The following PPP2R3A variants were observed in gnomAD, a reference collection of about 807,000 sequenced individuals.
PPP2R3A encodes serine/threonine-protein phosphatase 2A regulatory subunit B'' subunit alpha.
A neutral mutation model predicts 106.9 loss-of-function variants in PPP2R3A; 80 were observed. That is an observed-to-expected ratio of 0.75 (90% CI 0.62 to 0.90). The LOEUF (loss-of-function observed/expected upper bound fraction) is 0.90, where lower values mean the gene tolerates loss of function less well. Ranked by LOEUF, PPP2R3A falls within the 40% of genes least tolerant of loss-of-function variation. The pLI is 0.00. For synonymous variants in PPP2R3A, 483 were observed against 468.3 expected (o/e 1.03, Z -0.41); for missense variants, 1,386 against 1,350.4 (o/e 1.03, Z -0.41).
rs779732081 is a variant in PPP2R3A, at chr3:136,023,121, C to T, written c.1996-3711C>T. On this transcript the variant is annotated intron_variant, in intron 2 of 13. Transcript: ENST00000264977. Reference sequence around the variant, plus strand: ...AAGGGACCCGGATTTAAGGGGAGAGCTAGCTTTCCTGGCAAGGGGCTGTGA... The same window carrying T: ...AAGGGACCCGGATTTAAGGGGAGAGTTAGCTTTCCTGGCAAGGGGCTGTGA... 22 of 1,613,342 alleles carry T rather than the reference C, an allele frequency of 1.4e-5. No individual in the cohort carries two copies. In the South Asian group the frequency reaches 2.3e-4, roughly 17 times the overall value.
In PPP2R3A at chr3:136,114,828, T is replaced by TG. The variant is rs1937679059; in HGVS notation, c.3329+8511dup. 5.9e-5 allele frequency among the ~76,000 whole-genome samples: 9 copies of TG among 152,224 alleles called. No homozygotes were observed. In the South Asian group the frequency reaches 1.9e-3, roughly 32 times the overall value. ...TCCCATTTCCCTGGGATAGAGCATG[T>TG]GGGGGAAGGGGCAACTGTGGGCGCA... On this transcript the variant is annotated intron_variant, in intron 13 of 13. Coordinates refer to ENST00000264977, the MANE Select transcript of PPP2R3A (RefSeq NM_002718.5).
intron 13 of PPP2R3A, among the ~76,000 whole-genome samples, chr3:136,113,412 G>A (rs903479012): frequency 7.9e-5 from 12 of 152,148 alleles, no homozygotes; most frequent in African/African-American, 2.7e-4. Flanking sequence ...TCAATAAATG[G>A]TGCTGGCTAA....
chr3:136,061,931 A>G lies in PPP2R3A; in HGVS notation c.2470-8547A>G, dbSNP rs534045733. On this transcript the variant is annotated intron_variant, in intron 5 of 13. Coordinates refer to ENST00000264977, the MANE Select transcript of PPP2R3A (RefSeq NM_002718.5). ...GACAGAGCAAGACTCTATCTCAAAA[A>G]AAAAAAAAAAAAAAACACTGAGTCC... is the stretch of plus-strand genomic sequence containing the variant. 7.2e-4 allele frequency among the ~76,000 whole-genome samples: 109 copies of G among 151,554 alleles called. 1 individual carries two copies. The East Asian group carries it at 0.021, about 29-fold the overall frequency.
At chr3:135,997,813 T>A (rs1324494685) in intron 1 of PPP2R3A, among the ~76,000 whole-genome samples, 2 of 152,208 alleles carry the variant, frequency 1.3e-5, no homozygotes, top group East Asian at 1.9e-4. Context: ...CTCCTCTTTG[T>A]TATTACTGTC....
chr3:136,022,969 G>GA lies in PPP2R3A; in HGVS notation c.1996-3857dup. The GA allele has an allele frequency of 1.9e-6, 3 of 1,558,096 alleles. 1 individual carries two copies. On this transcript the variant is annotated intron_variant, in intron 2 of 13. Transcript: ENST00000264977. ...ATTTCATTTCTTTGGGAGATAAGAA[G>GA]AAAAAATACCTTCCTACCTGACAAG... is the stretch of plus-strand genomic sequence containing the variant.
chr3:136,130,384 A>T (rs1938364509), intron 13 of PPP2R3A, among the ~76,000 whole-genome samples: 1 of 151,998 alleles, frequency 6.6e-6, no homozygotes, highest in African/African-American at 2.4e-5. Flanking sequence ...CAAACAGCCA[A>T]ATAATGAGTG....
intron 2 of PPP2R3A, among the ~76,000 whole-genome samples, chr3:136,023,977 C>T (rs1369552610): frequency 6.6e-6 from 1 of 151,998 alleles, no homozygotes; most frequent in Non-Finnish European, 1.5e-5. Context: ...TTATTCTGAC[C>T]CAGAATAATC....
At chr3:136,061,881 C>G (rs1239091772) in intron 5 of PPP2R3A, among the ~76,000 whole-genome samples, 1 of 136,522 alleles carries the variant, frequency 7.3e-6, no homozygotes, top group Non-Finnish European at 1.5e-5. Context: ...GAGCCGAGAT[C>G]ACGCCACTGC....
intron 10 of PPP2R3A, among the ~76,000 whole-genome samples, chr3:136,092,738 T>G (rs1490207532): frequency 1.3e-5 from 2 of 152,198 alleles, no homozygotes; most frequent in Non-Finnish European, 2.9e-5. Flanking sequence ...CTAATTGATT[T>G]GCAACAAGGA....
At chr3:135,990,762 A>C (rs977043914) in intron 1 of PPP2R3A, among the ~76,000 whole-genome samples, 4 of 151,862 alleles carry the variant, frequency 2.6e-5, no homozygotes, top group Middle Eastern at 3.4e-3. Flanking sequence ...TCTCTTCTAG[A>C]CTCTTCTGAG....
chr3:135,998,280 G>A (rs909612713), intron 1 of PPP2R3A, among the ~76,000 whole-genome samples: 11 of 152,204 alleles, frequency 7.2e-5, no homozygotes, highest in Admixed American at 5.2e-4. Context: ...TACCTACATC[G>A]CTATATTTCA....
chr3:136,011,945 A>G (rs980900949), intron 2 of PPP2R3A, among the ~76,000 whole-genome samples: 1 of 151,340 alleles, frequency 6.6e-6, no homozygotes, highest in Non-Finnish European at 1.5e-5. Flanking sequence ...CTGTGAGTTC[A>G]ACTCCCACCC....
chr3:136,044,092 T>C (rs1935387992), intron 4 of PPP2R3A, among the ~76,000 whole-genome samples: 1 of 152,218 alleles, frequency 6.6e-6, no homozygotes, highest in Non-Finnish European at 1.5e-5. Flanking sequence ...TTTTCTATTG[T>C]GATCATCCCA....
chr3:136,030,923 A>G (rs1375999346), intron 3 of PPP2R3A, among the ~76,000 whole-genome samples: 2 of 152,012 alleles, frequency 1.3e-5, no homozygotes, highest in Non-Finnish European at 2.9e-5. Context: ...TTGTGCTGCT[A>G]TAAACATGCA....
chr3:136,058,369 C>G (rs1003101615), intron 5 of PPP2R3A, among the ~76,000 whole-genome samples: 1 of 151,964 alleles, frequency 6.6e-6, no homozygotes, highest in Non-Finnish European at 1.5e-5. Context: ...TTCTTGTATG[C>G]CAAAAACAAG....
intron 13 of PPP2R3A, among the ~76,000 whole-genome samples, chr3:136,136,046 A>C (rs1576338270): frequency 2.3e-4 from 2 of 8,612 alleles, no homozygotes; most frequent in Admixed American, 2.3e-3. Flanking sequence ...ACTCCGTCTC[A>C]AAAAAAAAAA....
At chr3:136,137,866 C>T (rs922480543) in intron 13 of PPP2R3A, among the ~76,000 whole-genome samples, 5 of 152,098 alleles carry the variant, frequency 3.3e-5, no homozygotes, top group Non-Finnish European at 7.4e-5. Flanking sequence ...CATTTACATC[C>T]ATCAGCACTG....
chr3:136,107,487 T>C (rs1185230306), intron 13 of PPP2R3A, among the ~76,000 whole-genome samples: 1 of 141,906 alleles, frequency 7.0e-6, no homozygotes, highest in Non-Finnish European at 1.5e-5. Flanking sequence ...TCTGATGTGG[T>C]CCATTCAGGT....
chr3:136,104,945 A>G (rs1937478112), intron 12 of PPP2R3A, among the ~76,000 whole-genome samples: 1 of 152,196 alleles, frequency 6.6e-6, no homozygotes, highest in Non-Finnish European at 1.5e-5. Context: ...TTTAAATTTT[A>G]CTTTTTTTAA....
Sources: gnomAD v4.1 joint callset for allele counts (sites outside exome capture counted in the v4.1 genomes callset) on GRCh38, gnomAD v4.1.1 for gene constraint, MANE v1.5 for transcripts, NCBI Gene and HGNC (gene_info 2026-07-23, HGNC 2026-07-21) for gene names.